Variants in DMD observed in about 807,000 individuals in gnomAD.
The protein encoded by DMD is mutant dystrophin.
Under a neutral mutation model 330.1 loss-of-function variants are expected in DMD, and 63 were observed. That is an observed-to-expected ratio of 0.19 (90% confidence interval 0.16 to 0.24). The LOEUF is 0.24. Ranked by LOEUF, DMD falls within the 10% of genes least tolerant of loss-of-function variation. The pLI, the probability that DMD is intolerant of heterozygous loss-of-function variation, is 1.00. For synonymous variants in DMD, 1,223 were observed against 959.8 expected (o/e 1.27, Z -5.07); for missense variants, 3,344 against 2,684.1 (o/e 1.25, Z -5.43).
At chrX:32,644,581 G>A (rs1287612683) in intron 10 of DMD, among the ~76,000 whole-genome samples, 1 of 109,573 alleles carries the variant, frequency 9.1e-6, no homozygotes, top group Admixed American at 1.0e-4. Context: ...AGGAAGTTCC[G>A]CAAGGGAGTT....
chrX:31,280,545 C>T (rs990421438), intron 62 of DMD, among the ~76,000 whole-genome samples: 5 of 111,448 alleles, frequency 4.5e-5, no homozygotes, highest in African/African-American at 1.6e-4. Flanking sequence ...TACACATCTG[C>T]CAAAAATCGC....
intron 55 of DMD, among the ~76,000 whole-genome samples, chrX:31,552,657 A>C (rs1272170097): frequency 8.9e-6 from 1 of 111,778 alleles, no homozygotes; most frequent in African/African-American, 3.3e-5. Flanking sequence ...TCAGCCTCAT[A>C]TTCAGAACAT....
At chrX:31,401,324 G>A (rs908505081) in intron 60 of DMD, among the ~76,000 whole-genome samples, 5 of 111,589 alleles carry the variant, frequency 4.5e-5, no homozygotes, top group African/African-American at 1.3e-4. Flanking sequence ...GCTTGATGTC[G>A]TTAGAAATAT....
At chrX:33,246,453 T>A (rs1179814510) in intron 1 of DMD, among the ~76,000 whole-genome samples, 1 of 111,599 alleles carries the variant, frequency 9.0e-6, no homozygotes, top group Non-Finnish European at 1.9e-5. Context: ...TTTCTAATTC[T>A]TCTGCTCCCC....
intron 1 of DMD, among the ~76,000 whole-genome samples, chrX:33,148,761 C>T (rs1159150145): frequency 3.6e-5 from 4 of 112,135 alleles, no homozygotes; most frequent in Non-Finnish European, 5.6e-5. Flanking sequence ...CCAAAGCTCT[C>T]CATTCCCTTT....
Position 32,545,297 on chromosome X carries a change from G to A in DMD, c.2030C>T (p.Thr677Ile). Residue 677 changes from threonine (T) to isoleucine (I), a missense_variant, in exon 17 of 79, where the codon ACA becomes ATA. Physicochemically the swap from Thr to Ile is moderately conservative, Grantham distance 89. Transcript: ENST00000357033. ...QAVTTTQPSL[T>I]QTTVMETVTT... Reference sequence around the variant, plus strand: ...TACTGTTTCCATTACAGTTGTCTGTGTTAGTGATGGCTGAGTGGTGGTGAC... The same window carrying A: ...TACTGTTTCCATTACAGTTGTCTGTATTAGTGATGGCTGAGTGGTGGTGAC... 8.3e-7 allele frequency: 1 copy of A among 1,210,924 alleles called. No homozygotes were observed.
intron 62 of DMD, chrX:31,266,974 G>C: frequency 7.3e-6 from 7 of 960,976 alleles, no homozygotes; most frequent in Non-Finnish European, 8.3e-6. Context: ...GGCGCGGGCG[G>C]GCCGGGGAGG....
At chrX:31,174,524 C>T (rs2040322256) in intron 71 of DMD, among the ~76,000 whole-genome samples, 1 of 110,969 alleles carries the variant, frequency 9.0e-6, no homozygotes. Flanking sequence ...TAGGCTTGGA[C>T]TTTTTCTTTT....
At chrX:33,104,501 C>G (rs1223738204) in intron 1 of DMD, among the ~76,000 whole-genome samples, 2 of 109,953 alleles carry the variant, frequency 1.8e-5, no homozygotes, top group Non-Finnish European at 3.8e-5. Context: ...AGCTCCCCCA[C>G]TGAGTACCTT....
At chrX:32,802,687 A>G (rs2076665782) in intron 7 of DMD, among the ~76,000 whole-genome samples, 1 of 111,749 alleles carries the variant, frequency 8.9e-6, no homozygotes, top group African/African-American at 3.3e-5. Flanking sequence ...CATGAAGGGT[A>G]GTGAATTTTA....
intron 17 of DMD, among the ~76,000 whole-genome samples, chrX:32,537,938 A>C (rs964177002): frequency 6.8e-4 from 77 of 112,525 alleles, no homozygotes; most frequent in African/African-American, 2.3e-3. Flanking sequence ...TCATAGGACC[A>C]GTTCTCAATA....
chrX:33,002,262 T>C (rs991547409), intron 2 of DMD, among the ~76,000 whole-genome samples: 2 of 111,173 alleles, frequency 1.8e-5, no homozygotes, highest in Non-Finnish European at 3.8e-5. Flanking sequence ...CTTGGTGTCT[T>C]GATCAAAGAA....
intron 7 of DMD, among the ~76,000 whole-genome samples, chrX:32,709,811 CATT>C (rs761402910): frequency 9.0e-6 from 1 of 111,211 alleles, no homozygotes; most frequent in South Asian, 3.7e-4. Flanking sequence ...CACAAACTGT[CATT>C]ATTATGTTTA....
chrX:32,274,582 T>A (rs2097378199), intron 43 of DMD, among the ~76,000 whole-genome samples: 1 of 112,203 alleles, frequency 8.9e-6, no homozygotes, highest in Non-Finnish European at 1.9e-5. Flanking sequence ...GAAACAAACT[T>A]CTATTTAATG....
intron 29 of DMD, 108 bp downstream of exon 29, chrX:32,438,133 T>G: frequency 2.3e-6 from 2 of 872,900 alleles, no homozygotes; most frequent in Non-Finnish European, 3.3e-6. Context: ...CTCTGAAACC[T>G]GAAAGCTGAG....
chrX:33,091,825 C>T (rs772722300), intron 1 of DMD, among the ~76,000 whole-genome samples: 1 of 111,880 alleles, frequency 8.9e-6, no homozygotes, highest in African/African-American at 3.2e-5. Flanking sequence ...GTGTTTCTTC[C>T]AGATTTTCTA....
chrX:32,923,569 A>G (rs2088664585), intron 2 of DMD, among the ~76,000 whole-genome samples: 1 of 110,905 alleles, frequency 9.0e-6, no homozygotes, highest in South Asian at 3.8e-4. Context: ...AAAAAAAACA[A>G]AAACAAAAAC....
chrX:31,414,064 AGTGCAGTG>A (rs1294965914), intron 60 of DMD, among the ~76,000 whole-genome samples: 16 of 111,368 alleles, frequency 1.4e-4, no homozygotes, highest in African/African-American at 5.2e-4. Flanking sequence ...CCCAGGCTGG[AGTGCAGTG>A]GTGCAATATC....
chrX:31,830,466 C>T (rs1424636280), intron 49 of DMD, among the ~76,000 whole-genome samples: 29 of 110,221 alleles, frequency 2.6e-4, no homozygotes, highest in African/African-American at 6.9e-4. Flanking sequence ...TGGTGGTGGG[C>T]GCCTGTAATC....
Sources: allele counts gnomAD v4.1 joint callset (sites outside exome capture counted in the v4.1 genomes callset), GRCh38; gene constraint gnomAD v4.1.1; transcripts MANE v1.5; gene names NCBI Gene and HGNC (gene_info 2026-07-23, HGNC 2026-07-21).